Variants in LINGO2 observed in about 807,000 individuals in gnomAD.
The protein encoded by LINGO2 is leucine-rich repeat and immunoglobulin-like domain-containing nogo receptor-interacting protein 2.
LINGO2 carries 14 observed loss-of-function variants against 30.6 expected under a neutral mutation model. The observed-to-expected ratio is 0.46, with a 90% confidence interval of 0.30 to 0.72. The LOEUF is 0.72. LINGO2 is among the 30% of genes least tolerant of loss of function. The probability of loss-of-function intolerance (pLI) is 0.07; values close to 1 mark genes in which losing one functional copy is unlikely to be tolerated. For missense variants in LINGO2, 729 were observed against 751.7 expected (o/e 0.97, Z 0.35); for synonymous variants, 317 against 288.5 (o/e 1.10, Z -1.00).
At chr9:29,043,206 A>C in the LINGO2 span, among the ~76,000 whole-genome samples, 1 of 151,956 alleles carries the variant, frequency 6.6e-6, no homozygotes, top group African/African-American at 2.4e-5. Flanking sequence ...ATCAAACTCA[A>C]AGAGAGCTAG....
intron 3 of LINGO2, among the ~76,000 whole-genome samples, chr9:28,322,071 C>T (rs1019741355): frequency 6.6e-6 from 1 of 152,206 alleles, no homozygotes; most frequent in Non-Finnish European, 1.5e-5. Flanking sequence ...TAAGCTTCAT[C>T]TCCAATTTTG....
the LINGO2 span, among the ~76,000 whole-genome samples, chr9:28,861,189 A>G: frequency 9.8e-6 from 1 of 102,412 alleles, no homozygotes; most frequent in African/African-American, 4.2e-5. Flanking sequence ...ATATTAATAT[A>G]TTTTATATAT....
At chr9:28,626,587 T>C (rs1826689674) in intron 1 of LINGO2, among the ~76,000 whole-genome samples, 1 of 152,068 alleles carries the variant, frequency 6.6e-6, no homozygotes, top group African/African-American at 2.4e-5. Flanking sequence ...GCATCATTTG[T>C]TCAAAAACTT....
chr9:28,595,628 A>G (rs1825137805), intron 1 of LINGO2, among the ~76,000 whole-genome samples: 1 of 152,106 alleles, frequency 6.6e-6, no homozygotes, highest in Non-Finnish European at 1.5e-5. Context: ...ACATAAAGTG[A>G]ACAGGATTTT....
intron 3 of LINGO2, among the ~76,000 whole-genome samples, chr9:28,302,450 A>G (rs1824184295): frequency 6.6e-6 from 1 of 152,280 alleles, no homozygotes; most frequent in East Asian, 1.9e-4. Flanking sequence ...AGGCCAAGAC[A>G]GGTGGATTAC....
At chr9:28,753,564 A>G in the LINGO2 span, among the ~76,000 whole-genome samples, 1 of 152,036 alleles carries the variant, frequency 6.6e-6, no homozygotes, top group Non-Finnish European at 1.5e-5. Flanking sequence ...ATATCTGAGG[A>G]TAGAGGGGTC....
At chr9:28,603,615 T>G (rs1212079546) in intron 1 of LINGO2, among the ~76,000 whole-genome samples, 4 of 152,076 alleles carry the variant, frequency 2.6e-5, no homozygotes, top group Non-Finnish European at 5.9e-5. Flanking sequence ...TTATAAATCT[T>G]GCATTCTCTT....
the LINGO2 span, among the ~76,000 whole-genome samples, chr9:28,912,858 A>T: frequency 1.3e-5 from 2 of 152,200 alleles, no homozygotes; most frequent in South Asian, 4.1e-4. Context: ...TGACTTTTGG[A>T]TTCATGACAT....
chr9:28,425,029 C>T (rs993379712), intron 2 of LINGO2, among the ~76,000 whole-genome samples: 2 of 151,844 alleles, frequency 1.3e-5, no homozygotes, highest in African/African-American at 4.8e-5. Flanking sequence ...GTCTCATGTA[C>T]AGTAGGTCTT....
Position 28,147,302 on chromosome 9 carries a change from T to C in LINGO2, c.-86-134897A>G, listed in dbSNP as rs1003545891. Among the ~76,000 whole-genome samples the C allele has an allele frequency of 6.6e-6, 1 of 152,206 alleles. No individual in the cohort carries two copies. The highest frequency in any genetic ancestry group is 2.4e-5 in the African/African-American group (1 of 41,464). ...CTGGGTTCAAAGCCTGGCTGGGCCA[T>C]GACCACCTGAATGACCTGAGGAATG... On this transcript the variant is annotated intron_variant, in intron 4 of 5. Transcript: ENST00000379992. The surrounding 1 kb of genome is among the most constrained non-coding windows in gnomAD (Gnocchi z 4.7).
the LINGO2 span, among the ~76,000 whole-genome samples, chr9:28,757,566 A>ATT: frequency 2.0e-5 from 3 of 151,588 alleles, no homozygotes; most frequent in Admixed American, 2.0e-4. Flanking sequence ...AAAGAAATAT[A>ATT]TATAGTTTGT....
chr9:29,022,020 C>T, the LINGO2 span, among the ~76,000 whole-genome samples: 1 of 151,958 alleles, frequency 6.6e-6, no homozygotes, highest in East Asian at 1.9e-4. Context: ...AAAATATTTA[C>T]CCTTATATCT....
intron 1 of LINGO2, among the ~76,000 whole-genome samples, chr9:28,540,728 CAAGT>C (rs1482156574): frequency 2.0e-5 from 3 of 152,258 alleles, no homozygotes; most frequent in Non-Finnish European, 2.9e-5. Context: ...ATCACTCCAC[CAAGT>C]AAGTGCAGAG....
intron 4 of LINGO2, among the ~76,000 whole-genome samples, chr9:28,175,374 C>T (rs142557081): frequency 2.1e-4 from 32 of 152,142 alleles, no homozygotes; most frequent in African/African-American, 7.2e-4. Flanking sequence ...AAGACCAGCC[C>T]CTCTTTCTTT....
chr9:28,055,411 A>AAAATAGCC (rs1824881027), intron 4 of LINGO2, among the ~76,000 whole-genome samples: 1 of 152,132 alleles, frequency 6.6e-6, no homozygotes, highest in Admixed American at 6.6e-5. Flanking sequence ...TATTTTAGCT[A>AAAATAGCC]TTGCCACATT....
chr9:28,588,359 C>T (rs1824674467), intron 1 of LINGO2, among the ~76,000 whole-genome samples: 1 of 151,774 alleles, frequency 6.6e-6, no homozygotes, highest in Non-Finnish European at 1.5e-5. Context: ...TGAAAAATTC[C>T]CAGGGGCATC....
intron 4 of LINGO2, among the ~76,000 whole-genome samples, chr9:28,024,044 G>A (rs1433135203): frequency 6.6e-6 from 1 of 152,120 alleles, no homozygotes; most frequent in Non-Finnish European, 1.5e-5. Context: ...ATTCTATGAG[G>A]AGTCCAAGAA....
intron 4 of LINGO2, among the ~76,000 whole-genome samples, chr9:28,145,443 C>G (rs1040395198): frequency 2.6e-5 from 4 of 152,156 alleles, no homozygotes; most frequent in African/African-American, 9.7e-5. Context: ...CTAAGAACAT[C>G]AAATTGTTTC....
At chr9:28,675,336 A>G in the LINGO2 span, among the ~76,000 whole-genome samples, 1 of 152,124 alleles carries the variant, frequency 6.6e-6, no homozygotes, top group East Asian at 1.9e-4. Context: ...ATAAAACTTG[A>G]AACCTGTAAT....
Sources: allele counts gnomAD v4.1 joint callset (sites outside exome capture counted in the v4.1 genomes callset), GRCh38; gene constraint gnomAD v4.1.1; non-coding constraint Gnocchi (gnomAD v3.1); transcripts MANE v1.5; gene names NCBI Gene and HGNC (gene_info 2026-07-23, HGNC 2026-07-21).